The following BEND6 variants were observed in gnomAD, a reference collection of about 807,000 sequenced individuals.
The protein encoded by BEND6 is BEN domain-containing protein 6.
Under a neutral mutation model 31.8 loss-of-function variants are expected in BEND6, and 24 were observed. That is an observed-to-expected ratio of 0.75 (90% confidence interval 0.55 to 1.06). BEND6 has a LOEUF of 1.06. Ranked by LOEUF, BEND6 falls within the 50% of genes least tolerant of loss-of-function variation. BEND6 has a pLI of 0.00. For missense variants in BEND6, 294 were observed against 327.4 expected, an observed-to-expected ratio of 0.90 and a Z score of 0.79; for synonymous variants, 109 against 114.6, an observed-to-expected ratio of 0.95 and a Z score of 0.31.
In BEND6 at chr6:57,015,247, ACTC is replaced by A; in HGVS notation, c.417_419del (p.Ser140del). On this transcript the variant is annotated inframe_deletion, in exon 4 of 7. Transcript: ENST00000370746. ...TCCACCCTCTGGAGAGCAACAAACA[ACTC>A]CTCGCCAGATTCATTTGCCTCAACA... The A allele has an allele frequency of 1.2e-6, 2 of 1,613,826 alleles. No individual in the cohort carries two copies. The highest frequency in any genetic ancestry group is 1.7e-6 in the Non-Finnish European group (2 of 1,179,958).
intron 6 of BEND6, among the ~76,000 whole-genome samples, chr6:57,024,928 G>C: frequency 6.6e-6 from 1 of 152,048 alleles, no homozygotes; most frequent in East Asian, 1.9e-4. Context: ...TCCTCTGACT[G>C]TATATTTTCA....
At position 57,015,280 on chromosome 6, in the gene BEND6, GTAATTC is replaced by G. The variant is rs761389295; in HGVS notation, c.456_461del (p.Asn154_Ser155del). ...CCAGATTCATTTGCCTCAACATGCA[GTAATTC>G]TAATTCTAACTCCAGTTCACCAGTT... On this transcript the variant is annotated inframe_deletion, in exon 4 of 7. Transcript: ENST00000370746. The G allele has an allele frequency of 1.9e-6, 3 of 1,614,022 alleles. No individual in the cohort carries two copies. The highest frequency in any genetic ancestry group is 1.7e-5 in the Admixed American group (1 of 59,994).
intron 3 of BEND6, chr6:57,004,385 G>T: frequency 2.0e-6 from 1 of 498,728 alleles, no homozygotes. Flanking sequence ...AAGGTTTCCT[G>T]CTTCAACAGT....
intron 4 of BEND6, among the ~76,000 whole-genome samples, chr6:57,015,641 CA>C (rs5876528): frequency 0.12 from 16,149 of 130,334 alleles, 1,045 homozygotes; most frequent in Middle Eastern, 0.21. Flanking sequence ...ACTAAAAATA[CA>C]AAAAAAAAAA....
At chr6:56,991,364 T>G (rs1314114403) in intron 2 of BEND6, among the ~76,000 whole-genome samples, 2 of 148,884 alleles carry the variant, frequency 1.3e-5, no homozygotes, top group Admixed American at 1.3e-4. Context: ...TTCTGGAGGT[T>G]TTTTTTTTTT....
chr6:57,004,626 C>G (rs183527864), intron 3 of BEND6: 1 of 1,089,422 alleles, frequency 9.2e-7, no homozygotes, highest in East Asian at 2.4e-5. Flanking sequence ...CTCTACCCCT[C>G]CTACGTGGGC....
At chr6:56,976,808 G>A (rs530489072) in intron 1 of BEND6, among the ~76,000 whole-genome samples, 15 of 152,208 alleles carry the variant, frequency 9.9e-5, no homozygotes, top group South Asian at 2.1e-4. Flanking sequence ...TAAGTGATCC[G>A]CCTGCCTCAG....
intron 1 of BEND6, among the ~76,000 whole-genome samples, chr6:56,964,925 T>C (rs1373528291): frequency 2.0e-5 from 3 of 152,234 alleles, no homozygotes; most frequent in Admixed American, 6.5e-5. Context: ...ATTCATCCCA[T>C]TTCCTTGAGC....
At chr6:56,964,076 A>C (rs1825384138) in intron 1 of BEND6, among the ~76,000 whole-genome samples, 1 of 150,082 alleles carries the variant, frequency 6.7e-6, no homozygotes, top group Admixed American at 6.7e-5. Context: ...TATATACCTG[A>C]CATATCAACT....
Position 56,984,136 on chromosome 6 carries a change from G to A in BEND6, c.120+2206G>A, listed in dbSNP as rs142478217. ...CTTGGGAGGTTGAGGTGGGAGGATC[G>A]CTTCAGTCTAGGAGTTTCAGGCTGC... On this transcript the variant is annotated intron_variant, in intron 2 of 6. Coordinates refer to ENST00000370746, the MANE Select transcript of BEND6 (RefSeq NM_152731.3). Among the ~76,000 whole-genome samples, 539 of 151,892 alleles carry A rather than the reference G, an allele frequency of 3.5e-3. 5 individuals carry two copies. The highest frequency in any genetic ancestry group is 0.012 in the African/African-American group (492 of 41,406).
chr6:56,968,283 T>G (rs1315520719), intron 1 of BEND6, among the ~76,000 whole-genome samples: 1 of 151,010 alleles, frequency 6.6e-6, no homozygotes, highest in Non-Finnish European at 1.5e-5. Context: ...GCATAATGCT[T>G]CTTTTCTTTT....
At chr6:56,986,137 A>G (rs193007638) in intron 2 of BEND6, among the ~76,000 whole-genome samples, 14 of 152,292 alleles carry the variant, frequency 9.2e-5, no homozygotes, top group Non-Finnish European at 1.8e-4. Flanking sequence ...AGATTTATAC[A>G]TTTAACGTGG....
intron 2 of BEND6, among the ~76,000 whole-genome samples, chr6:56,986,565 C>T (rs940507092): frequency 6.6e-6 from 1 of 152,074 alleles, no homozygotes; most frequent in Non-Finnish European, 1.5e-5. Flanking sequence ...AGTCTCTATG[C>T]TTGATTGATA....
At chr6:56,979,198 A>G (rs1198609567) in intron 1 of BEND6, among the ~76,000 whole-genome samples, 4 of 152,202 alleles carry the variant, frequency 2.6e-5, no homozygotes, top group Non-Finnish European at 5.9e-5. Flanking sequence ...AATTGGGAGT[A>G]ATTAGTCTTC....
chr6:56,975,358 CT>C (rs1381064637), intron 1 of BEND6, among the ~76,000 whole-genome samples: 1 of 151,956 alleles, frequency 6.6e-6, no homozygotes, highest in Non-Finnish European at 1.5e-5. Context: ...AAGAAAATGC[CT>C]CTCAACATCG....
intron 6 of BEND6, among the ~76,000 whole-genome samples, chr6:57,024,495 GT>G (rs112292989): frequency 0.017 from 2,540 of 147,110 alleles, 63 homozygotes; most frequent in African/African-American, 0.059. Flanking sequence ...TTGGATGACA[GT>G]TTTTTTTTTT....
At chr6:56,986,776 A>G (rs766335729) in intron 2 of BEND6, among the ~76,000 whole-genome samples, 51 of 152,084 alleles carry the variant, frequency 3.4e-4, no homozygotes, top group Non-Finnish European at 1.3e-4. Flanking sequence ...CTGATCTTTT[A>G]CTGAGGTTTT....
At chr6:56,968,077 A>G (rs1267925896) in intron 1 of BEND6, among the ~76,000 whole-genome samples, 1 of 152,194 alleles carries the variant, frequency 6.6e-6, no homozygotes, top group African/African-American at 2.4e-5. Context: ...AGGATGTCAT[A>G]TAGGTCAGTA....
At chr6:56,960,468 T>C (rs1011049596) in intron 1 of BEND6, among the ~76,000 whole-genome samples, 3 of 152,188 alleles carry the variant, frequency 2.0e-5, no homozygotes, top group Non-Finnish European at 4.4e-5. Flanking sequence ...TATTATTGCA[T>C]AGCAAATGTT....
Sources: gnomAD v4.1 joint callset for allele counts (sites outside exome capture counted in the v4.1 genomes callset) on GRCh38, gnomAD v4.1.1 for gene constraint, MANE v1.5 for transcripts, NCBI Gene and HGNC (gene_info 2026-07-23, HGNC 2026-07-21) for gene names.